SMYD3: variants seen among roughly 807,000 people sequenced by gnomAD.
SMYD3 encodes SET and MYND domain containing 3, also known as histone-lysine N-methyltransferase SMYD3.
In SMYD3, 36 loss-of-function variants were observed where a neutral mutation model predicts 57.7. The observed-to-expected ratio is 0.62, with a 90% CI of 0.48 to 0.82. The LOEUF (loss-of-function observed/expected upper bound fraction) is 0.82, where lower values mean the gene tolerates loss of function less well. Among genes scored for constraint, SMYD3 ranks in the 40% least tolerant of loss-of-function variants. The probability of loss-of-function intolerance (pLI) is 0.00; values close to 1 mark genes in which losing one functional copy is unlikely to be tolerated. For synonymous variants in SMYD3, 211 were observed against 195.0 expected (o/e 1.08, Z -0.68); for missense variants, 515 against 538.8 (o/e 0.96, Z 0.44).
chr1:245,954,554 C>G (rs2057769426), intron 5 of SMYD3, among the ~76,000 whole-genome samples: 1 of 152,156 alleles, frequency 6.6e-6, no homozygotes, highest in Non-Finnish European at 1.5e-5. Flanking sequence ...CAGGCACCAG[C>G]AGTCACAGCT....
At chr1:245,900,331 T>A (rs962425725) in intron 8 of SMYD3, among the ~76,000 whole-genome samples, 2 of 152,204 alleles carry the variant, frequency 1.3e-5, no homozygotes, top group Non-Finnish European at 2.9e-5. Context: ...AACAACAAAG[T>A]AAATGACATC....
intron 10 of SMYD3, 70 bp from the exon 11 acceptor site, chr1:245,764,219 T>C: frequency 9.8e-7 from 1 of 1,022,572 alleles, no homozygotes; most frequent in Non-Finnish European, 1.5e-6. Flanking sequence ...ATCAGGAGAC[T>C]ACGAAAGTGG....
chr1:246,174,211 A>G (rs926224385), intron 5 of SMYD3, among the ~76,000 whole-genome samples: 1 of 152,138 alleles, frequency 6.6e-6, no homozygotes, highest in African/African-American at 2.4e-5. Flanking sequence ...TATCACTATC[A>G]AGTATTATAT....
At chr1:245,752,307 C>T (rs942680679) in intron 11 of SMYD3, among the ~76,000 whole-genome samples, 2 of 152,210 alleles carry the variant, frequency 1.3e-5, no homozygotes, top group Non-Finnish European at 2.9e-5. Context: ...TGCTCGGCCT[C>T]GCCTCCCTCC....
intron 1 of SMYD3, among the ~76,000 whole-genome samples, chr1:246,470,716 C>T (rs1299470343): frequency 6.6e-6 from 1 of 150,488 alleles, no homozygotes; most frequent in African/African-American, 2.4e-5. Flanking sequence ...TATATACATA[C>T]ACACAAAAAA....
chr1:246,051,590 C>A (rs1256757873), intron 5 of SMYD3, among the ~76,000 whole-genome samples: 8 of 151,694 alleles, frequency 5.3e-5, no homozygotes, highest in Admixed American at 5.3e-4. Flanking sequence ...AATGCTTATA[C>A]CTGACACCAG....
At position 246,173,252 on chromosome 1, in the gene SMYD3, C is replaced by T. The variant is rs548773848; in HGVS notation, c.531+153949G>A. ...TCAACACTACACACTTAGGCTACAC[C>T]GGCCTAGAACACTCACTGTACTCTA... On this transcript the variant is annotated intron_variant, in intron 5 of 11. Coordinates refer to ENST00000490107, the MANE Select transcript of SMYD3 (RefSeq NM_001167740.2). Among the ~76,000 whole-genome samples, 282 of 116,684 alleles carry T rather than the reference C, an allele frequency of 2.4e-3. 4 individuals carry two copies. The highest frequency in any genetic ancestry group is 8.5e-3 in the African/African-American group (262 of 30,650). 76.5% of individuals were successfully genotyped at this position (116,684 alleles called of 152,430 possible).
At chr1:246,377,656 A>T (rs960919933) in intron 1 of SMYD3, among the ~76,000 whole-genome samples, 1 of 152,222 alleles carries the variant, frequency 6.6e-6, no homozygotes, top group African/African-American at 2.4e-5. Flanking sequence ...GGCGTAAGCC[A>T]CCATGCCCAA....
At chr1:246,103,940 A>G (rs2061069133) in intron 5 of SMYD3, among the ~76,000 whole-genome samples, 1 of 152,160 alleles carries the variant, frequency 6.6e-6, no homozygotes, top group Admixed American at 6.5e-5. Flanking sequence ...TCATCCTTGA[A>G]GAAAACCTTG....
Position 246,330,371 on chromosome 1 carries a change from G to A in SMYD3, c.394+109C>T, listed in dbSNP as rs926343814. ...TATAAAAATAAATTTTGTTAGGTTTGCATCACATTATAAAGAAACAGAAAA... is the reference window on the plus strand; with the variant it reads ...TATAAAAATAAATTTTGTTAGGTTTACATCACATTATAAAGAAACAGAAAA... On this transcript the variant is annotated intron_variant, in intron 4 of 11. Transcript: ENST00000490107. 11 of 832,786 alleles carry A rather than the reference G, an allele frequency of 1.3e-5. No homozygotes were observed. In the African/African-American group the frequency reaches 1.7e-4, roughly 13 times the overall value. The allele number at this position is 832,786 out of a possible 1,614,324, so 51.6% of individuals were successfully genotyped here.
intron 5 of SMYD3, among the ~76,000 whole-genome samples, chr1:246,121,235 T>C (rs1304097378): frequency 1.1e-3 from 5 of 4,730 alleles, no homozygotes; most frequent in East Asian, 3.9e-3. Context: ...CTATGAGTAT[T>C]TTTTTTAAGC....
intron 8 of SMYD3, among the ~76,000 whole-genome samples, chr1:245,882,365 C>T (rs2052830212): frequency 6.6e-6 from 1 of 152,182 alleles, no homozygotes; most frequent in South Asian, 2.1e-4. Flanking sequence ...AAAAATCCCC[C>T]ATATATCTTA....
chr1:246,201,110 AC>A (rs1345773090), intron 5 of SMYD3, among the ~76,000 whole-genome samples: 1 of 152,212 alleles, frequency 6.6e-6, no homozygotes, highest in African/African-American at 2.4e-5. Context: ...ATGGCTATTG[AC>A]AGAAAATGGT....
chr1:246,301,559 T>G (rs752932984), intron 5 of SMYD3, among the ~76,000 whole-genome samples: 3 of 152,166 alleles, frequency 2.0e-5, no homozygotes, highest in Non-Finnish European at 4.4e-5. Context: ...TTTAATAAAC[T>G]GCATGCACAC....
At chr1:246,384,017 C>T (rs944572201) in intron 1 of SMYD3, among the ~76,000 whole-genome samples, 8 of 152,012 alleles carry the variant, frequency 5.3e-5, no homozygotes, top group African/African-American at 9.7e-5. Flanking sequence ...AGGGAGCAGA[C>T]ACCTGGTGTC....
intron 10 of SMYD3, among the ~76,000 whole-genome samples, chr1:245,779,442 C>T (rs918904347): frequency 2.6e-5 from 4 of 152,060 alleles, no homozygotes. Flanking sequence ...CACCACGTAC[C>T]CTTTACCACA....
chr1:245,784,446 A>G (rs932563485), intron 10 of SMYD3, among the ~76,000 whole-genome samples: 2 of 152,118 alleles, frequency 1.3e-5, no homozygotes, highest in African/African-American at 4.8e-5. Context: ...CCTCTGTTCT[A>G]TTATATCTGG....
In SMYD3 at chr1:246,054,873, T is replaced by TAAAAAA. The variant is rs749022916; in HGVS notation, c.532-124942_532-124937dup. Among the ~76,000 whole-genome samples, 28 of 79,116 alleles carry TAAAAAA rather than the reference T, an allele frequency of 3.5e-4. 1 individual carries two copies. Among genetic ancestry groups the TAAAAAA allele is most frequent in the East Asian group, 2.5e-3 (7 of 2,838 alleles). The allele number at this position is 79,116 out of a possible 152,430, so 51.9% of individuals were successfully genotyped here. On this transcript the variant is annotated intron_variant, in intron 5 of 11. Transcript: ENST00000490107. The stretch of plus-strand genomic sequence containing the variant: ...ACCTTAACACTCATTAGGATGACTA[T>TAAAAAA]AAAAAAAAAAAAAAAAAAAAGGCCA...
chr1:246,420,624 C>T (rs778085192), intron 1 of SMYD3, among the ~76,000 whole-genome samples: 20 of 152,272 alleles, frequency 1.3e-4, no homozygotes, highest in African/African-American at 4.1e-4. Context: ...TGATTTCCTA[C>T]GCAGGTGAAA....
Sources: gnomAD v4.1 joint callset for allele counts (sites outside exome capture counted in the v4.1 genomes callset) on GRCh38, gnomAD v4.1.1 for gene constraint, MANE v1.5 for transcripts, NCBI Gene and HGNC (gene_info 2026-07-23, HGNC 2026-07-21) for gene names.